PATL1: variants seen among roughly 807,000 people sequenced by gnomAD.
PATL1 encodes the protein protein PAT1 homolog 1.
In PATL1, 32 loss-of-function variants were observed where a neutral mutation model predicts 100.6. That is an observed-to-expected ratio of 0.32 (90% CI 0.24 to 0.43). PATL1 has a LOEUF of 0.43. Ranked by LOEUF, PATL1 falls within the 20% of genes least tolerant of loss-of-function variation. PATL1 has a pLI of 1.00. For synonymous variants in PATL1, 332 were observed against 330.0 expected, an observed-to-expected ratio of 1.01 and a Z score of -0.07; for missense variants, 747 against 949.9, an observed-to-expected ratio of 0.79 and a Z score of 2.81.
At position 59,648,005 on chromosome 11, in the gene PATL1, G is replaced by A. The variant is rs1861387301; in HGVS notation, c.1734-92C>T. 4 of 1,094,492 alleles carry A rather than the reference G, an allele frequency of 3.7e-6. No individual in the cohort carries two copies. The Admixed American group carries it at 1.1e-4, about 30-fold the overall frequency. The allele number at this position is 1,094,492 out of a possible 1,614,324, so 67.8% of individuals were successfully genotyped here. ...TTAGATGTTACTGAATGAATATACT[G>A]CATTCATTTTCATTCTCTAATAACC... On this transcript the variant is annotated intron_variant, in intron 14 of 18. Coordinates refer to ENST00000300146, the MANE Select transcript of PATL1 (RefSeq NM_152716.3).
chr11:59,656,184 A>G, intron 6 of PATL1, 139 bp from the exon 7 acceptor site: 1 of 582,144 alleles, frequency 1.7e-6, no homozygotes, highest in Non-Finnish European at 2.9e-6. Flanking sequence ...GGAATAGAAA[A>G]AAAGAGTAAT....
At chr11:59,648,202 T>A (rs1235114158) in intron 14 of PATL1, among the ~76,000 whole-genome samples, 1 of 150,390 alleles carries the variant, frequency 6.6e-6, no homozygotes, top group Non-Finnish European at 1.5e-5. Context: ...TTTTTTTTTT[T>A]TGAGACGAAG....
chr11:59,668,754 G>A (rs991934000), intron 1 of PATL1, 127 bp downstream of exon 1: 3 of 521,530 alleles, frequency 5.8e-6, no homozygotes, highest in African/African-American at 4.1e-5. Flanking sequence ...GTCGCGTCCA[G>A]CTAAGTCCTG....
rs1208157543 is a variant in PATL1, at chr11:59,659,686, C to T, written c.128-217G>A. Among the ~76,000 whole-genome samples the T allele has an allele frequency of 2.6e-5, 4 of 151,972 alleles. No homozygotes were observed. The East Asian group carries it at 7.7e-4, about 29-fold the overall frequency. On this transcript the variant is annotated intron_variant, in intron 2 of 18. Transcript: ENST00000300146. ...GCTGGAGTAGCTGGGACTACAGGCG[C>T]CCACCACCACACCTGGCTAATTTTT...
chr11:59,655,159 T>A (rs1056647607), intron 8 of PATL1, among the ~76,000 whole-genome samples: 3 of 152,102 alleles, frequency 2.0e-5, no homozygotes, highest in African/African-American at 4.8e-5. Flanking sequence ...CTGGTTCTCG[T>A]GTGTCTCTTG....
In PATL1 at chr11:59,644,890, CT is replaced by C. The variant is rs71036539; in HGVS notation, c.1894-1856del. 4.1e-3 allele frequency among the ~76,000 whole-genome samples: 345 copies of C among 83,804 alleles called. 1 individual carries two copies. Among genetic ancestry groups the C allele is most frequent in the African/African-American group, 0.016 (312 of 18,952 alleles). The allele number at this position is 83,804 out of a possible 152,430, so 55.0% of individuals were successfully genotyped here. ...GGACAACATAGGGAGACTTCGTTTC[CT>C]TTTTTTTTTTTTTTTTTTAAAAAAA... is the stretch of plus-strand genomic sequence containing the variant. On this transcript the variant is annotated intron_variant, in intron 15 of 18. Transcript: ENST00000300146.
At chr11:59,658,725 T>G (rs1023951610) in intron 4 of PATL1, 141 bp downstream of exon 4, 1 of 630,330 alleles carries the variant, frequency 1.6e-6, no homozygotes, top group African/African-American at 1.9e-5. Context: ...AAGAAAGGCA[T>G]AGCTAAGTGC....
chr11:59,658,965 A>G lies in PATL1; in HGVS notation c.346-19T>C. On this transcript the variant is annotated intron_variant, in intron 3 of 18. Coordinates refer to ENST00000300146, the MANE Select transcript of PATL1 (RefSeq NM_152716.3). ...GTTGGGGCTAACAAAAAAGGAAAACATACAGAGTCTGAAATGTTGTATACT... is the reference window on the plus strand; with the variant it reads ...GTTGGGGCTAACAAAAAAGGAAAACGTACAGAGTCTGAAATGTTGTATACT... The G allele has an allele frequency of 6.5e-7, 1 of 1,537,848 alleles. No individual in the cohort carries two copies. The highest frequency in any genetic ancestry group is 8.8e-7 in the Non-Finnish European group (1 of 1,138,690).
At chr11:59,640,249 G>A (rs1043015215) in intron 16 of PATL1, among the ~76,000 whole-genome samples, 1 of 151,676 alleles carries the variant, frequency 6.6e-6, no homozygotes, top group Non-Finnish European at 1.5e-5. Context: ...GCTGAGGCAG[G>A]AGAATTGTTG....
At chr11:59,660,416 T>C (rs1861611416) in intron 2 of PATL1, among the ~76,000 whole-genome samples, 1 of 152,136 alleles carries the variant, frequency 6.6e-6, no homozygotes, top group Non-Finnish European at 1.5e-5. Flanking sequence ...GCTGTAGGAA[T>C]ATAAAGGAAG....
chr11:59,656,069 AAAAG>A, intron 6 of PATL1, 24 bp from the exon 7 acceptor site: 1 of 1,303,104 alleles, frequency 7.7e-7, no homozygotes, highest in Non-Finnish European at 1.0e-6. Flanking sequence ...AAAAAAAAAA[AAAAG>A]AATATGCTAT....
chr11:59,668,754 G>T (rs991934000), intron 1 of PATL1, 127 bp downstream of exon 1: 4 of 521,644 alleles, frequency 7.7e-6, no homozygotes, highest in Non-Finnish European at 1.4e-5. Context: ...GTCGCGTCCA[G>T]CTAAGTCCTG....
rs1211953858 is a variant in PATL1, at chr11:59,666,844, G to A, written c.127+9C>T. On this transcript the variant is annotated intron_variant, in intron 2 of 18. Coordinates refer to ENST00000300146, the MANE Select transcript of PATL1 (RefSeq NM_152716.3). ...TAAGATGATATTATAAGCGAAAGAT[G>A]TCACTTACCAACTGCACCTGACCCA... 1.3e-6 allele frequency: 2 copies of A among 1,546,438 alleles called. No homozygotes were observed. The highest frequency in any genetic ancestry group is 1.2e-5 in the South Asian group (1 of 82,840).
chr11:59,668,918 C>T lies in PATL1; in HGVS notation c.-23G>A. 1 of 271,628 alleles carries T rather than the reference C, an allele frequency of 3.7e-6. No individual in the cohort carries two copies. Among genetic ancestry groups the T allele is most frequent in the Non-Finnish European group, 7.0e-6 (1 of 142,568 alleles). 16.8% of individuals were successfully genotyped at this position (271,628 alleles called of 1,614,324 possible). A position where few individuals can be genotyped will look rare whatever the true frequency, so the allele number is the denominator to read the frequency against. ...CATTCTTGGGGAGGGGGGCAGGGAG[C>T]GGGGAGGGGAGAGGGGGAGGGAGGG... On this transcript the variant is annotated 5_prime_UTR_variant, in exon 1 of 19. Transcript: ENST00000300146.
intron 14 of PATL1, among the ~76,000 whole-genome samples, chr11:59,648,185 C>CTTTTT (rs887689437): frequency 3.1e-5 from 4 of 130,464 alleles, no homozygotes; most frequent in African/African-American, 8.7e-5. Context: ...AACTTTTTTT[C>CTTTTT]TTTTTTTTTT....
intron 14 of PATL1, among the ~76,000 whole-genome samples, chr11:59,648,721 C>T (rs993809970): frequency 6.6e-5 from 10 of 152,132 alleles, no homozygotes; most frequent in African/African-American, 2.4e-4. Flanking sequence ...CAACTACATA[C>T]ATTTTAATGG....
At chr11:59,645,907 G>A (rs1433465211) in intron 15 of PATL1, among the ~76,000 whole-genome samples, 1 of 152,024 alleles carries the variant, frequency 6.6e-6, no homozygotes, top group Non-Finnish European at 1.5e-5. Context: ...TCAAGAAAAT[G>A]GTATTTAGAG....
At position 59,649,535 on chromosome 11, in the gene PATL1, G is replaced by A; in HGVS notation, c.1660C>T (p.Leu554=). The change falls in exon 14 of 19, where the codon CTA becomes TTA. Residue 554 remains leucine (L), a synonymous_variant. Coordinates refer to ENST00000300146, the MANE Select transcript of PATL1 (RefSeq NM_152716.3). ...ATTTTGTGCTTTCTGTCATCCATTA[G>A]GGCAGGTCGCTCTTCTTCCAGACTT... The part of the protein sequence containing the change: ...LLSLEEERPA[L]MDDRKHKICS... 6.2e-7 allele frequency: 1 copy of A among 1,613,824 alleles called. No homozygotes were observed. Among genetic ancestry groups the A allele is most frequent in the Non-Finnish European group, 8.5e-7 (1 of 1,179,844 alleles).
At chr11:59,638,542 C>T in intron 18 of PATL1, 131 bp from the exon 19 acceptor site, 1 of 874,784 alleles carries the variant, frequency 1.1e-6, no homozygotes, top group Non-Finnish European at 1.8e-6. Context: ...CTACCCTTAG[C>T]ATTTGGTCAT....
Sources: gnomAD v4.1 joint callset for allele counts (sites outside exome capture counted in the v4.1 genomes callset) on GRCh38, gnomAD v4.1.1 for gene constraint, MANE v1.5 for transcripts, NCBI Gene and HGNC (gene_info 2026-07-23, HGNC 2026-07-21) for gene names.